Variants in TET1 observed in about 807,000 individuals in gnomAD.
The protein encoded by TET1 is tet methylcytosine dioxygenase 1.
A neutral mutation model predicts 148.7 loss-of-function variants in TET1; 13 were observed. That is an observed-to-expected ratio of 0.09 (90% confidence interval 0.06 to 0.14). The LOEUF is 0.14. Among genes scored for constraint, TET1 ranks in the 10% least tolerant of loss-of-function variants. The pLI, the probability that TET1 is intolerant of heterozygous loss-of-function variation, is 1.00. For missense variants in TET1, 2,182 were observed against 2,553.8 expected (o/e 0.85, Z 3.14); for synonymous variants, 907 against 937.2 (o/e 0.97, Z 0.59).
At chr10:68,618,707 A>G (rs1446853254) in intron 3 of TET1, among the ~76,000 whole-genome samples, 1 of 152,246 alleles carries the variant, frequency 6.6e-6, no homozygotes, top group East Asian at 1.9e-4. Context: ...GCATAAGTAT[A>G]GTACAATCCT....
intron 1 of TET1, among the ~76,000 whole-genome samples, chr10:68,567,562 G>A (rs948733268): frequency 5.9e-5 from 9 of 151,886 alleles, no homozygotes; most frequent in Non-Finnish European, 1.2e-4. Context: ...CAATAGTGCT[G>A]GGATTACAGG....
At chr10:68,611,020 C>T (rs1270166807) in intron 3 of TET1, among the ~76,000 whole-genome samples, 3 of 152,090 alleles carry the variant, frequency 2.0e-5, no homozygotes, top group Non-Finnish European at 2.9e-5. Flanking sequence ...CTAGGCTGGG[C>T]GCAGTGGCTC....
At chr10:68,681,000 C>T (rs1028353923) in intron 8 of TET1, among the ~76,000 whole-genome samples, 1 of 152,150 alleles carries the variant, frequency 6.6e-6, no homozygotes, top group Non-Finnish European at 1.5e-5. Flanking sequence ...CTCTCTTCTC[C>T]GTTATAGGAA....
In TET1 at chr10:68,645,697, T is replaced by C. The variant is rs756171978; in HGVS notation, c.2968T>C (p.Ser990Pro). The C allele has an allele frequency of 2.5e-6, 4 of 1,614,198 alleles. No individual in the cohort carries two copies. The African/African-American group carries it at 5.3e-5, about 22-fold the overall frequency. Residue 990 changes from serine (S) to proline (P), a missense_variant, in exon 4 of 12, where the codon TCC becomes CCC. Ser to Pro is a moderately conservative substitution (Grantham distance 74, BLOSUM62 -1). Coordinates refer to ENST00000373644, the MANE Select transcript of TET1 (RefSeq NM_030625.3). ...TATCAACTCAGCTACTAACCAAGCA[T>C]CCACAAAGTCACATGAATATTCAAA... ...SHINSATNQA[S>P]TKSHEYSKVT...
At chr10:68,634,841 A>C (rs909597737) in intron 3 of TET1, among the ~76,000 whole-genome samples, 6 of 152,060 alleles carry the variant, frequency 3.9e-5, no homozygotes, top group Non-Finnish European at 8.8e-5. Context: ...AGCTCACTGC[A>C]TCCTCCGCCT....
chr10:68,608,761 C>T (rs935406702), intron 3 of TET1, among the ~76,000 whole-genome samples: 3 of 152,062 alleles, frequency 2.0e-5, no homozygotes, highest in Admixed American at 6.6e-5. Flanking sequence ...GCCGCCAACT[C>T]CTGACCTCAG....
intron 2 of TET1, among the ~76,000 whole-genome samples, chr10:68,591,468 G>A (rs910768361): frequency 3.9e-5 from 6 of 152,186 alleles, no homozygotes; most frequent in African/African-American, 1.2e-4. Flanking sequence ...GTGCAGTACA[G>A]GGTCATCCAG....
intron 3 of TET1, among the ~76,000 whole-genome samples, chr10:68,623,132 T>G (rs966458082): frequency 6.6e-6 from 1 of 152,186 alleles, no homozygotes; most frequent in Non-Finnish European, 1.5e-5. Flanking sequence ...ACTATGCAAG[T>G]CCTTTAATCG....
intron 2 of TET1, among the ~76,000 whole-genome samples, chr10:68,576,951 C>A (rs553625088): frequency 1.0e-3 from 155 of 152,082 alleles, no homozygotes; most frequent in African/African-American, 3.4e-3. Flanking sequence ...CTCTGTTGCC[C>A]AGGCTGGAGT....
chr10:68,671,584 C>T (rs1207119824), intron 7 of TET1, among the ~76,000 whole-genome samples: 1 of 151,514 alleles, frequency 6.6e-6, no homozygotes, highest in Admixed American at 6.6e-5. Flanking sequence ...ATTGGAAGAG[C>T]ATACAGTTTT....
intron 6 of TET1, among the ~76,000 whole-genome samples, chr10:68,654,806 T>C (rs2054998235): frequency 6.6e-6 from 1 of 152,152 alleles, no homozygotes; most frequent in African/African-American, 2.4e-5. Flanking sequence ...GGAATCCAAG[T>C]GGTGCTTCTG....
chr10:68,617,735 G>C (rs1472730440), intron 3 of TET1, among the ~76,000 whole-genome samples: 2 of 151,700 alleles, frequency 1.3e-5, no homozygotes, highest in African/African-American at 4.8e-5. Context: ...TAGTAGAGGC[G>C]GGGTTTCACC....
intron 2 of TET1, among the ~76,000 whole-genome samples, chr10:68,599,071 GC>G (rs2054021855): frequency 6.6e-6 from 1 of 152,194 alleles, no homozygotes; most frequent in South Asian, 2.1e-4. Context: ...GAAAAACAAC[GC>G]ATGCCGGACT....
intron 1 of TET1, among the ~76,000 whole-genome samples, chr10:68,566,715 T>C (rs958771982): frequency 2.6e-5 from 4 of 152,116 alleles, no homozygotes; most frequent in Non-Finnish European, 2.9e-5. Flanking sequence ...ACGTAGTGTG[T>C]AAGGTGGGAA....
At chr10:68,663,606 T>C (rs185835881) in intron 6 of TET1, among the ~76,000 whole-genome samples, 1 of 152,316 alleles carries the variant, frequency 6.6e-6, no homozygotes, top group East Asian at 1.9e-4. Flanking sequence ...CTGTTTCAAA[T>C]AGGACTGTAG....
At chr10:68,629,583 G>A (rs1389520314) in intron 3 of TET1, among the ~76,000 whole-genome samples, 1 of 150,856 alleles carries the variant, frequency 6.6e-6, no homozygotes, top group Non-Finnish European at 1.5e-5. Context: ...CACCAGCTTG[G>A]AGTGCAGTGG....
chr10:68,614,565 G>A (rs2054261823), intron 3 of TET1, among the ~76,000 whole-genome samples: 1 of 152,156 alleles, frequency 6.6e-6, no homozygotes, highest in South Asian at 2.1e-4. Flanking sequence ...AGGGTGGAGT[G>A]TGGTGGCACG....
At chr10:68,585,142 T>C (rs1467340961) in intron 2 of TET1, among the ~76,000 whole-genome samples, 1 of 152,066 alleles carries the variant, frequency 6.6e-6, no homozygotes, top group Non-Finnish European at 1.5e-5. Flanking sequence ...GTAGCTGGGA[T>C]TAAAGGCATG....
At chr10:68,565,646 T>C (rs2053600440) in intron 1 of TET1, among the ~76,000 whole-genome samples, 1 of 152,110 alleles carries the variant, frequency 6.6e-6, no homozygotes, top group Non-Finnish European at 1.5e-5. Flanking sequence ...AATGTGGACC[T>C]ATTTAATGGA....
Sources: allele counts gnomAD v4.1 joint callset (sites outside exome capture counted in the v4.1 genomes callset), GRCh38; gene constraint gnomAD v4.1.1; transcripts MANE v1.5; gene names NCBI Gene and HGNC (gene_info 2026-07-23, HGNC 2026-07-21).